The following ZNF831 variants were observed in gnomAD, a reference collection of about 807,000 sequenced individuals.
ZNF831 encodes the protein chromosome 20 open reading frame 174.
In ZNF831, 59 loss-of-function variants were observed where a neutral mutation model predicts 95.8. The ratio of observed to expected loss-of-function variants is 0.62; its 90% CI spans 0.50 to 0.77. The LOEUF is 0.77. ZNF831 is among the 30% of genes least tolerant of loss of function. The pLI, the probability that ZNF831 is intolerant of heterozygous loss-of-function variation, is 0.00. For synonymous variants in ZNF831, 961 were observed against 925.5 expected, an observed-to-expected ratio of 1.04 and a Z score of -0.70; for missense variants, 2,205 against 2,164.0, an observed-to-expected ratio of 1.02 and a Z score of -0.38.
At chr20:59,218,062 A>G (rs1883828336) in intron 4 of ZNF831, among the ~76,000 whole-genome samples, 1 of 152,226 alleles carries the variant, frequency 6.6e-6, no homozygotes, top group Admixed American at 6.5e-5. Context: ...GAAAGCTCAG[A>G]GAAGCCCTGG....
intron 4 of ZNF831, among the ~76,000 whole-genome samples, chr20:59,238,007 G>A (rs1600671405): frequency 6.6e-6 from 1 of 152,220 alleles, no homozygotes; most frequent in Middle Eastern, 3.4e-3. Flanking sequence ...CATTGCATAA[G>A]ACATATTTAT....
At chr20:59,198,333 C>A (rs1388658742) in intron 3 of ZNF831, among the ~76,000 whole-genome samples, 1 of 152,228 alleles carries the variant, frequency 6.6e-6, no homozygotes, top group Non-Finnish European at 1.5e-5. Context: ...GGATTTCTAA[C>A]TTTTCTTGAA....
In ZNF831 at chr20:59,193,193, T is replaced by C; in HGVS notation, c.2174T>C (p.Val725Ala). 6.3e-7 allele frequency: 1 copy of C among 1,579,046 alleles called. No homozygotes were observed. The highest frequency in any genetic ancestry group is 1.2e-5 in the South Asian group (1 of 86,860). The change falls in exon 2 of 6, where the codon GTG (valine) becomes GCG (alanine). Residue 725 changes from valine to alanine, a missense_variant. By Grantham distance (64) the Val-to-Ala change is moderately conservative. Coordinates refer to ENST00000371030, the MANE Select transcript of ZNF831 (RefSeq NM_178457.3). ...ARRGDSDRPR[V>A]EEAVSSPALG... ...AGAGGAGACAGTGACCGACCCAGGG[T>C]GGAAGAGGCTGTGTCATCCCCTGCA...
chr20:59,181,136 C>A (rs188455436), intron 1 of ZNF831, among the ~76,000 whole-genome samples: 219 of 152,300 alleles, frequency 1.4e-3, no homozygotes, highest in Non-Finnish European at 2.7e-3. Context: ...TGATGATGAT[C>A]TTTTTTTCAT....
At chr20:59,171,459 G>A (rs181760714) in intron 1 of ZNF831, among the ~76,000 whole-genome samples, 1 of 152,174 alleles carries the variant, frequency 6.6e-6, no homozygotes, top group Non-Finnish European at 1.5e-5. Flanking sequence ...TCTTACAACA[G>A]AATGGCTCTG....
intron 5 of ZNF831, 26 bp downstream of exon 5, chr20:59,253,164 T>C: frequency 6.2e-7 from 1 of 1,612,874 alleles, no homozygotes; most frequent in South Asian, 1.1e-5. Context: ...TTGAGCTGCC[T>C]CTACCTATTC....
intron 4 of ZNF831, among the ~76,000 whole-genome samples, chr20:59,225,349 G>A (rs1986362007): frequency 6.6e-6 from 1 of 152,182 alleles, no homozygotes; most frequent in South Asian, 2.1e-4. Flanking sequence ...GGTCCTGACA[G>A]CTCAAGTCTT....
At chr20:59,253,795 C>T in intron 5 of ZNF831, 103 bp from the exon 6 acceptor site, 1 of 1,330,194 alleles carries the variant, frequency 7.5e-7, no homozygotes, top group Admixed American at 2.3e-5. Context: ...ATCATTAAGA[C>T]CTCAAGACCT....
chr20:59,180,204 C>G (rs1982502597), intron 1 of ZNF831, among the ~76,000 whole-genome samples: 1 of 152,126 alleles, frequency 6.6e-6, no homozygotes, highest in Non-Finnish European at 1.5e-5. Context: ...TTTCCCACCT[C>G]AACCTCCTGA....
rs773899719 is a variant in ZNF831, at chr20:59,191,762, C to T, written c.743C>T (p.Pro248Leu). ...GGCGCCTCGGAGAGACCCCTTTCTC[C>T]GGGTGCCCACGTGCCCCTACTTGCC... ...HEGASERPLS[P>L]GAHVPLLAKN... The change falls in exon 2 of 6, where the codon CCG (proline) becomes CTG (leucine). Residue 248 changes from proline to leucine, a missense_variant. Coordinates refer to ENST00000371030, the MANE Select transcript of ZNF831 (RefSeq NM_178457.3). 1.8e-5 allele frequency: 29 copies of T among 1,608,750 alleles called. No individual in the cohort carries two copies. Among genetic ancestry groups the T allele is most frequent in the South Asian group, 8.8e-5 (8 of 90,642 alleles).
chr20:59,192,924 GA>G lies in ZNF831; in HGVS notation c.1908del (p.Ala637ProfsTer68). The stretch of plus-strand genomic sequence containing the variant: ...CGTTCAAAAGGATCTACCAGAAAAT[GA>G]AAGCCAGTCCCCATGGAGGCAAGAA... The part of the protein sequence containing the change: ...ETFKRIYQKM[K>X]ASPHGGKKAR... On this transcript the variant is annotated frameshift_variant, in exon 2 of 6. Coordinates refer to ENST00000371030, the MANE Select transcript of ZNF831 (RefSeq NM_178457.3). LOFTEE classifies it high-confidence loss of function. This position sits in a 1 kb window ranked among gnomAD's most constrained non-coding sequence, Gnocchi z 5.2. The G allele has an allele frequency of 6.2e-7, 1 of 1,600,912 alleles. No homozygotes were observed. The highest frequency in any genetic ancestry group is 8.5e-7 in the Non-Finnish European group (1 of 1,174,124).
Position 59,191,593 on chromosome 20 carries a change from C to T in ZNF831, c.574C>T (p.Arg192Trp), listed in dbSNP as rs1378823405. The T allele has an allele frequency of 7.5e-6, 12 of 1,601,438 alleles. No homozygotes were observed. Among genetic ancestry groups the T allele is most frequent in the South Asian group, 1.1e-5 (1 of 89,644 alleles). ...CCAGAGCAATCTCTACAAGCACAGG[C>T]GGACGCAGACGCACCTCAACAACTC... ...KTQSNLYKHR[R>W]TQTHLNNSRL... The change falls in exon 2 of 6, where the codon CGG becomes TGG. Residue 192 changes from arginine (R) to tryptophan (W), a missense_variant. Transcript: ENST00000371030.
At chr20:59,203,435 G>C (rs1485779589) in intron 3 of ZNF831, among the ~76,000 whole-genome samples, 4 of 152,258 alleles carry the variant, frequency 2.6e-5, no homozygotes, top group South Asian at 4.1e-4. Flanking sequence ...TCCTGCCTCA[G>C]CTTCTGGAGT....
chr20:59,124,723 G>T (rs1601286962), intron 1 of ZNF831, among the ~76,000 whole-genome samples: 1 of 152,220 alleles, frequency 6.6e-6, no homozygotes, highest in Non-Finnish European at 1.5e-5. Context: ...CTGAACCTCA[G>T]ATCTCTCTCG....
chr20:59,248,683 G>A (rs763174269), intron 4 of ZNF831, among the ~76,000 whole-genome samples: 16 of 152,214 alleles, frequency 1.1e-4, no homozygotes, highest in Non-Finnish European at 1.8e-4. Flanking sequence ...TTTTGTCACT[G>A]TGGGGACAGA....
chr20:59,154,134 G>T (rs1304676544), intron 2 of ZNF831, among the ~76,000 whole-genome samples: 1 of 152,208 alleles, frequency 6.6e-6, no homozygotes, highest in Non-Finnish European at 1.5e-5. Flanking sequence ...GACGAGCCAA[G>T]ATTCACCTAA....
chr20:59,137,383 T>C lies in ZNF831; in HGVS notation c.-1424-8848T>C, dbSNP rs572190536. ...ATCAGTCTCTATTTCTGTTCACCAA[T>C]GATGTCAGGTTGGAGAACAGGGAGT... On this transcript the variant is annotated intron_variant, in intron 1 of 7. Transcript: ENST00000637017. Among the ~76,000 whole-genome samples the C allele has an allele frequency of 2.0e-5, 3 of 152,166 alleles. No homozygotes were observed. In the South Asian group the frequency reaches 6.2e-4, roughly 32 times the overall value.
intron 4 of ZNF831, among the ~76,000 whole-genome samples, chr20:59,245,946 C>T (rs1289765879): frequency 6.6e-6 from 1 of 152,150 alleles, no homozygotes; most frequent in Non-Finnish European, 1.5e-5. Flanking sequence ...TAATTACACA[C>T]ACATAAAAGA....
rs923503782 is a variant in ZNF831 at position 59,258,916 on chromosome 20, A to G, written c.*4173A>G. 1.3e-5 allele frequency: 2 copies of G among 152,206 alleles called. No individual in the cohort carries two copies. Among genetic ancestry groups the G allele is most frequent in the African/African-American group, 4.8e-5 (2 of 41,452 alleles). The allele number at this position is 152,206 out of a possible 1,614,324, so 9.4% of individuals were successfully genotyped here. ...ACCACTGGAAGAATAGGAACCAGGGAAAAACATCAGCCTCTGCCACTTGGA... is the reference window on the plus strand; with the variant it reads ...ACCACTGGAAGAATAGGAACCAGGGGAAAACATCAGCCTCTGCCACTTGGA... On this transcript the variant is annotated 3_prime_UTR_variant, in exon 6 of 6. Coordinates refer to ENST00000371030, the MANE Select transcript of ZNF831 (RefSeq NM_178457.3).
Sources: gnomAD v4.1 joint callset for allele counts (sites outside exome capture counted in the v4.1 genomes callset) on GRCh38, gnomAD v4.1.1 for gene constraint, Gnocchi (gnomAD v3.1) non-coding constraint, MANE v1.5 for transcripts, NCBI Gene and HGNC (gene_info 2026-07-23, HGNC 2026-07-21) for gene names.